The following WWC2 variants were observed in gnomAD, a reference collection of about 807,000 sequenced individuals.
The protein encoded by WWC2 is WW and C2 domain containing 2, also known as protein WWC2.
WWC2 carries 101 observed loss-of-function variants against 138.5 expected under a neutral mutation model. That is an observed-to-expected ratio of 0.73 (90% CI 0.62 to 0.86). The LOEUF is 0.86. WWC2 is among the 40% of genes least tolerant of loss of function. The pLI, the probability that WWC2 is intolerant of heterozygous loss-of-function variation, is 0.00. For missense variants in WWC2, 1,420 were observed against 1,419.4 expected, an observed-to-expected ratio of 1.00 and a Z score of -0.01; for synonymous variants, 558 against 538.4, an observed-to-expected ratio of 1.04 and a Z score of -0.50.
In WWC2 at chr4:183,269,128, T is replaced by G; in HGVS notation, c.2365T>G (p.Cys789Gly). ...ACAGAAGACACTGAGGGTAGACCTT[T>G]GCTCTGTCAGTAAACACCGAAGGGA... is the stretch of plus-strand genomic sequence containing the variant. ...LQQKTLRVDL[C>G]SVSKHRREEC... Residue 789 changes from cysteine (C) to glycine (G), a missense_variant, in exon 15 of 23, where the codon TGC becomes GGC. Physicochemically the swap from Cys to Gly is radical, Grantham distance 159. Transcript: ENST00000403733. 6.2e-7 allele frequency: 1 copy of G among 1,613,138 alleles called. No individual in the cohort carries two copies. Among genetic ancestry groups the G allele is most frequent in the East Asian group, 2.2e-5 (1 of 44,864 alleles).
At chr4:183,121,868 C>T (rs1386758845) in intron 1 of WWC2, among the ~76,000 whole-genome samples, 2 of 150,464 alleles carry the variant, frequency 1.3e-5, no homozygotes, top group Non-Finnish European at 2.9e-5. Flanking sequence ...TCACTGCAAG[C>T]TTCGCCTCCT....
At chr4:183,119,961 C>A (rs1276722382) in intron 1 of WWC2, among the ~76,000 whole-genome samples, 2 of 152,146 alleles carry the variant, frequency 1.3e-5, no homozygotes, top group African/African-American at 4.8e-5. Flanking sequence ...ATTCACAGAA[C>A]TTAAATTTAT....
chr4:183,287,618 G>A (rs1279967517), intron 20 of WWC2, among the ~76,000 whole-genome samples: 1 of 152,226 alleles, frequency 6.6e-6, no homozygotes, highest in Non-Finnish European at 1.5e-5. Context: ...ATAGGAACAA[G>A]TGGAGAATGG....
chr4:183,187,676 G>A (rs1312418009), intron 1 of WWC2, among the ~76,000 whole-genome samples: 1 of 151,468 alleles, frequency 6.6e-6, no homozygotes, highest in African/African-American at 2.4e-5. Context: ...TTCGAGACCA[G>A]CCTGACCAAC....
intron 1 of WWC2, among the ~76,000 whole-genome samples, chr4:183,130,638 G>A (rs1192452189): frequency 1.3e-5 from 2 of 152,176 alleles, no homozygotes; most frequent in African/African-American, 4.8e-5. Flanking sequence ...TAATCTGTCT[G>A]AGGTGACCTA....
In WWC2 at chr4:183,208,165, A is replaced by G. The variant is rs756555792; in HGVS notation, c.445+9A>G. 7.4e-6 allele frequency: 12 copies of G among 1,613,096 alleles called. No homozygotes were observed. The highest frequency in any genetic ancestry group is 1.0e-5 in the Non-Finnish European group (12 of 1,179,424). On this transcript the variant is annotated intron_variant, in intron 3 of 22. Transcript: ENST00000403733. The stretch of plus-strand genomic sequence containing the variant: ...AAGTTCTCACACAAGCTGTAAGTAC[A>G]GTGTGGCTATTCAGACTTTGGAAGT...
intron 1 of WWC2, among the ~76,000 whole-genome samples, chr4:183,168,838 G>T (rs1734196747): frequency 6.6e-6 from 1 of 152,062 alleles, no homozygotes; most frequent in South Asian, 2.1e-4. Flanking sequence ...TCATTTTATG[G>T]CATATAGTAT....
At position 183,154,026 on chromosome 4, in the gene WWC2, A is replaced by AAAAAAAAAAAAAAACAAAAAAAC. The variant is rs1561438959; in HGVS notation, c.132-39571_132-39570insAAAAAAAAAAAACAAAAAAACAA. On this transcript the variant is annotated intron_variant, in intron 1 of 22. Coordinates refer to ENST00000403733, the MANE Select transcript of WWC2 (RefSeq NM_024949.6). Reference sequence around the variant, plus strand: ...GCAAAAAAAAAAAAAAAAAAAAAAAAAACCCCAAATCTAATTCATCATTTA... The same window carrying AAAAAAAAAAAAAAACAAAAAAAC: ...GCAAAAAAAAAAAAAAAAAAAAAAAAAAAAAAAAAAAAAACAAAAAAACAACCCCAAATCTAATTCATCATTTA... Among the ~76,000 whole-genome samples, 58 of 145,640 alleles carry AAAAAAAAAAAAAAACAAAAAAAC rather than the reference A, an allele frequency of 4.0e-4. 3 individuals are homozygous for AAAAAAAAAAAAAAACAAAAAAAC. Among genetic ancestry groups the AAAAAAAAAAAAAAACAAAAAAAC allele is most frequent in the African/African-American group, 1.5e-3 (56 of 36,392 alleles).
intron 21 of WWC2, among the ~76,000 whole-genome samples, chr4:183,304,659 G>T (rs1343800147): frequency 6.6e-6 from 1 of 152,140 alleles, no homozygotes; most frequent in East Asian, 1.9e-4. Flanking sequence ...TAGATATTCT[G>T]TTCCACCTAA....
At chr4:183,269,786 A>T (rs948372585) in intron 15 of WWC2, 2 of 224,296 alleles carry the variant, frequency 8.9e-6, no homozygotes, top group Admixed American at 9.8e-5. Context: ...GGAAGATGTG[A>T]TGTTACTGTT....
intron 4 of WWC2, among the ~76,000 whole-genome samples, chr4:183,227,228 A>G (rs892090404): frequency 1.3e-5 from 2 of 152,116 alleles, no homozygotes; most frequent in Admixed American, 6.5e-5. Flanking sequence ...ATTTATCACC[A>G]TCAGATACCC....
chr4:183,305,421 C>G (rs1395017038), intron 21 of WWC2, among the ~76,000 whole-genome samples: 4 of 151,836 alleles, frequency 2.6e-5, no homozygotes, highest in Non-Finnish European at 4.4e-5. Context: ...AAACACCAAG[C>G]AAAATAAATA....
At chr4:183,217,710 A>T (rs1437573467) in intron 4 of WWC2, among the ~76,000 whole-genome samples, 1 of 152,186 alleles carries the variant, frequency 6.6e-6, no homozygotes, top group Non-Finnish European at 1.5e-5. Flanking sequence ...AAGACATAGG[A>T]ATAGAAACTA....
At chr4:183,114,499 A>T (rs1231710515) in intron 1 of WWC2, among the ~76,000 whole-genome samples, 4 of 152,166 alleles carry the variant, frequency 2.6e-5, no homozygotes, top group African/African-American at 9.7e-5. Flanking sequence ...AGAGCTAGAG[A>T]TACTAAATTT....
intron 1 of WWC2, among the ~76,000 whole-genome samples, chr4:183,143,756 C>T (rs1021861608): frequency 1.3e-5 from 2 of 151,648 alleles, no homozygotes; most frequent in Admixed American, 1.3e-4. Flanking sequence ...TGCAGTGAGC[C>T]GAGATTGTGC....
At chr4:183,243,790 TGC>T (rs1736688929) in intron 5 of WWC2, among the ~76,000 whole-genome samples, 1 of 142,282 alleles carries the variant, frequency 7.0e-6, no homozygotes, top group Non-Finnish European at 1.6e-5. Flanking sequence ...TGTGTGTGTG[TGC>T]ATGTGTTTAA....
intron 1 of WWC2, among the ~76,000 whole-genome samples, chr4:183,144,974 A>G (rs965553663): frequency 1.6e-4 from 24 of 152,256 alleles, no homozygotes; most frequent in African/African-American, 5.5e-4. Context: ...CAGAAATCAC[A>G]ACCTAAGGGA....
chr4:183,284,011 T>C (rs907626880), intron 18 of WWC2, among the ~76,000 whole-genome samples: 1 of 152,186 alleles, frequency 6.6e-6, no homozygotes, highest in Non-Finnish European at 1.5e-5. Context: ...AAGAACTTAG[T>C]ACAAAACCAT....
intron 4 of WWC2, among the ~76,000 whole-genome samples, chr4:183,214,252 A>C (rs1441929044): frequency 6.6e-6 from 1 of 152,162 alleles, no homozygotes; most frequent in Non-Finnish European, 1.5e-5. Context: ...TTTGTTCTCA[A>C]GTATGTACTG....
Sources: allele counts gnomAD v4.1 joint callset (sites outside exome capture counted in the v4.1 genomes callset), GRCh38; gene constraint gnomAD v4.1.1; transcripts MANE v1.5; gene names NCBI Gene and HGNC (gene_info 2026-07-23, HGNC 2026-07-21).